Variants in CADM2 observed in about 807,000 individuals in gnomAD.
CADM2 encodes cell adhesion molecule 2.
In CADM2, 12 loss-of-function variants were observed where a neutral mutation model predicts 49.8. The observed-to-expected ratio is 0.24, with a 90% CI of 0.15 to 0.39. CADM2 has a LOEUF of 0.39. CADM2 is among the 10% of genes least tolerant of loss of function. The probability of loss-of-function intolerance (pLI) is 1.00; values close to 1 mark genes in which losing one functional copy is unlikely to be tolerated. For synonymous variants in CADM2, 214 were observed against 175.4 expected (o/e 1.22, Z -1.74); for missense variants, 378 against 492.3 (o/e 0.77, Z 2.20).
intron 1 of CADM2, among the ~76,000 whole-genome samples, chr3:85,554,112 T>A (rs2029134): frequency 6.7e-6 from 1 of 149,006 alleles, no homozygotes; most frequent in Non-Finnish European, 1.5e-5. Flanking sequence ...ACAGAAGTAG[T>A]CAGGGTTAGT....
At chr3:86,020,151 G>T (rs1320646442) in intron 8 of CADM2, among the ~76,000 whole-genome samples, 1 of 151,862 alleles carries the variant, frequency 6.6e-6, no homozygotes, top group Non-Finnish European at 1.5e-5. Context: ...ATGATAAAGG[G>T]GATGTCACCA....
At chr3:85,384,335 A>T (rs369724932) in intron 1 of CADM2, among the ~76,000 whole-genome samples, 7 of 152,010 alleles carry the variant, frequency 4.6e-5, no homozygotes, top group East Asian at 3.9e-4. Flanking sequence ...TATTTTTTTA[A>T]GATGGAGTTT....
At chr3:85,147,810 A>G (rs537011306) in intron 1 of CADM2, among the ~76,000 whole-genome samples, 52 of 152,316 alleles carry the variant, frequency 3.4e-4, no homozygotes, top group African/African-American at 1.2e-3. Context: ...GTATAAGTAT[A>G]TAACAGGAGA....
rs568472146 is a variant in CADM2, at chr3:85,534,913, A to G, written c.62-191609A>G. On this transcript the variant is annotated intron_variant, in intron 1 of 9. Coordinates refer to ENST00000383699, the MANE Select transcript of CADM2 (RefSeq NM_001167675.2). ...TTGTTGTTTATGTCAAACTGAAGTC[A>G]TAATCTCTATAAATTTTGGGAATGC... 3.3e-4 allele frequency among the ~76,000 whole-genome samples: 51 copies of G among 152,274 alleles called. 1 individual carries two copies. The East Asian group carries it at 9.5e-3, about 28-fold the overall frequency.
At chr3:85,403,761 A>G (rs1052071599) in intron 1 of CADM2, among the ~76,000 whole-genome samples, 2 of 152,184 alleles carry the variant, frequency 1.3e-5, no homozygotes, top group African/African-American at 4.8e-5. Context: ...ATAAGTAAGC[A>G]AAGTATTTCT....
intron 1 of CADM2, among the ~76,000 whole-genome samples, chr3:85,292,936 A>G (rs1429013028): frequency 6.6e-6 from 1 of 152,016 alleles, no homozygotes; most frequent in African/African-American, 2.4e-5. Context: ...AAATAACTAA[A>G]ATCAGAGCAG....
intron 1 of CADM2, among the ~76,000 whole-genome samples, chr3:85,364,921 A>G (rs576040746): frequency 6.6e-6 from 1 of 152,226 alleles, no homozygotes; most frequent in East Asian, 1.9e-4. Context: ...ACTAGAAGAA[A>G]TGAATGAGAA....
At chr3:85,928,125 C>A (rs1720117107) in intron 6 of CADM2, among the ~76,000 whole-genome samples, 1 of 151,160 alleles carries the variant, frequency 6.6e-6, no homozygotes, top group African/African-American at 2.4e-5. Context: ...TTCCCAAGTT[C>A]ATAAAACCTT....
intron 2 of CADM2, among the ~76,000 whole-genome samples, chr3:85,762,270 C>T (rs576424290): frequency 1.6e-4 from 25 of 152,068 alleles, no homozygotes; most frequent in Non-Finnish European, 2.8e-4. Context: ...GACTCTTTGC[C>T]GTGTGTACCT....
At chr3:85,682,941 G>T (rs1462403111) in intron 1 of CADM2, among the ~76,000 whole-genome samples, 1 of 152,008 alleles carries the variant, frequency 6.6e-6, no homozygotes, top group Admixed American at 6.6e-5. Flanking sequence ...TGGTAGGTGT[G>T]AATAATATGC....
chr3:85,335,477 T>A (rs948146514), intron 1 of CADM2, among the ~76,000 whole-genome samples: 2 of 151,574 alleles, frequency 1.3e-5, no homozygotes, highest in Non-Finnish European at 3.0e-5. Flanking sequence ...GTGTACAGTG[T>A]TATGTGTCAA....
intron 1 of CADM2, among the ~76,000 whole-genome samples, chr3:85,465,757 C>T (rs2038464198): frequency 6.6e-6 from 1 of 152,112 alleles, no homozygotes; most frequent in Non-Finnish European, 1.5e-5. Flanking sequence ...GAGAACTACA[C>T]ATATTAATAA....
At chr3:85,808,756 A>C (rs1247043651) in intron 3 of CADM2, among the ~76,000 whole-genome samples, 2 of 152,314 alleles carry the variant, frequency 1.3e-5, no homozygotes, top group Admixed American at 1.3e-4. Flanking sequence ...TAAAGAAATC[A>C]AAATAAAAAT....
At chr3:85,959,150 A>ATCTCTCTCTC (rs71128104) in intron 7 of CADM2, among the ~76,000 whole-genome samples, 6,729 of 145,320 alleles carry the variant, frequency 0.046, 277 homozygotes, top group African/African-American at 0.1. Flanking sequence ...TTATCTATCT[A>ATCTCTCTCTC]TCTCTCTCTC....
intron 1 of CADM2, among the ~76,000 whole-genome samples, chr3:85,496,691 C>G (rs148396346): frequency 0.014 from 2,113 of 152,236 alleles, 48 homozygotes; most frequent in African/African-American, 0.048. Flanking sequence ...TCTCCACAGG[C>G]TTACCTGCAT....
At chr3:85,170,141 G>A (rs1440385527) in intron 1 of CADM2, among the ~76,000 whole-genome samples, 1 of 152,072 alleles carries the variant, frequency 6.6e-6, no homozygotes, top group Non-Finnish European at 1.5e-5. Context: ...TTATTCAGCT[G>A]TCCTCTGCTA....
chr3:85,198,657 T>C lies in CADM2; in HGVS notation c.61+238989T>C, dbSNP rs577495601. 1.4e-3 allele frequency among the ~76,000 whole-genome samples: 213 copies of C among 152,044 alleles called. 1 individual carries two copies. The highest frequency in any genetic ancestry group is 2.6e-3 in the Non-Finnish European group (176 of 67,828). On this transcript the variant is annotated intron_variant, in intron 1 of 9. Transcript: ENST00000383699. Reference sequence around the variant, plus strand: ...ATTAATTTATGGTATACATTTTAATTTTAACTCATTATTTTATCAAATGTG... The same window carrying C: ...ATTAATTTATGGTATACATTTTAATCTTAACTCATTATTTTATCAAATGTG...
chr3:85,523,146 T>A (rs1229505040), intron 1 of CADM2, among the ~76,000 whole-genome samples: 1 of 152,124 alleles, frequency 6.6e-6, no homozygotes, highest in Non-Finnish European at 1.5e-5. Flanking sequence ...TTTGGGCAGA[T>A]CCCCACACAT....
chr3:85,755,004 T>C (rs2069043453), intron 2 of CADM2, among the ~76,000 whole-genome samples: 1 of 152,190 alleles, frequency 6.6e-6, no homozygotes, highest in South Asian at 2.1e-4. Context: ...GAAACCCAGT[T>C]CTAATAACTT....
Sources: allele counts gnomAD v4.1 joint callset (sites outside exome capture counted in the v4.1 genomes callset), GRCh38; gene constraint gnomAD v4.1.1; transcripts MANE v1.5; gene names NCBI Gene and HGNC (gene_info 2026-07-23, HGNC 2026-07-21).